The following ARB2A variants were observed in gnomAD, a reference collection of about 807,000 sequenced individuals.
The protein encoded by ARB2A is ARB2 cotranscriptional regulator A.
At chr5:94,073,697 T>A in the ARB2A span, among the ~76,000 whole-genome samples, 1 of 152,072 alleles carries the variant, frequency 6.6e-6, no homozygotes, top group African/African-American at 2.4e-5. Flanking sequence ...TTGCCCTCAC[T>A]CCTAAATTGT....
the ARB2A span, among the ~76,000 whole-genome samples, chr5:93,896,273 G>A: frequency 2.0e-5 from 3 of 152,016 alleles, no homozygotes; most frequent in African/African-American, 4.8e-5. Context: ...TCTGAAATCC[G>A]TAATGCTCCA....
At chr5:93,694,389 CAAT>C in the ARB2A span, among the ~76,000 whole-genome samples, 3 of 152,002 alleles carry the variant, frequency 2.0e-5, no homozygotes, top group Non-Finnish European at 4.4e-5. Flanking sequence ...TCCTATACAC[CAAT>C]AATAGACAAA....
the ARB2A span, among the ~76,000 whole-genome samples, chr5:94,029,921 T>C: frequency 6.6e-6 from 1 of 152,168 alleles, no homozygotes; most frequent in African/African-American, 2.4e-5. Context: ...GACTCACAGT[T>C]CCACATGGCG....
chr5:93,925,686 G>C, the ARB2A span, among the ~76,000 whole-genome samples: 1 of 152,130 alleles, frequency 6.6e-6, no homozygotes, highest in Admixed American at 6.5e-5. Flanking sequence ...ACCATGGAAA[G>C]CAAAAACAGG....
chr5:93,809,341 C>T, the ARB2A span, among the ~76,000 whole-genome samples: 4 of 151,906 alleles, frequency 2.6e-5, no homozygotes, highest in Non-Finnish European at 5.9e-5. Flanking sequence ...ATGCAGTTTA[C>T]CCATGTAACA....
chr5:93,811,907 T>C, the ARB2A span, among the ~76,000 whole-genome samples: 3 of 152,114 alleles, frequency 2.0e-5, no homozygotes, highest in African/African-American at 7.2e-5. Context: ...CTATGAATTT[T>C]TTAGAACTGT....
chr5:93,865,677 T>A, the ARB2A span: 36 of 985,366 alleles, frequency 3.7e-5, no homozygotes, highest in Non-Finnish European at 4.3e-5. Flanking sequence ...CATCTAAAGA[T>A]CTACCTCTTC....
chr5:93,776,247 C>A, the ARB2A span: 1 of 1,604,952 alleles, frequency 6.2e-7, no homozygotes, highest in African/African-American at 1.3e-5. Flanking sequence ...AACAGTTCTG[C>A]AATGTAATAG....
chr5:93,844,176 G>GCTCA, the ARB2A span, among the ~76,000 whole-genome samples: 1 of 151,292 alleles, frequency 6.6e-6, no homozygotes. Context: ...CAGGCACATA[G>GCTCA]CTCACGCCTG....
the ARB2A span, among the ~76,000 whole-genome samples, chr5:93,831,729 G>A: frequency 6.6e-6 from 1 of 152,164 alleles, no homozygotes; most frequent in African/African-American, 2.4e-5. Context: ...ATGACTAAAG[G>A]GAGCTAAGAA....
the ARB2A span, among the ~76,000 whole-genome samples, chr5:93,963,314 G>A: frequency 1.3e-5 from 2 of 151,870 alleles, no homozygotes; most frequent in African/African-American, 4.8e-5. Flanking sequence ...GTCTGTAAAG[G>A]AAGAAAAATT....
chr5:94,018,583 C>G, the ARB2A span, among the ~76,000 whole-genome samples: 6 of 152,092 alleles, frequency 3.9e-5, no homozygotes, highest in African/African-American at 9.7e-5. Context: ...TTCTTTCTAT[C>G]CATGAGCATG....
chr5:93,964,639 A>C, the ARB2A span: 1 of 639,882 alleles, frequency 1.6e-6, no homozygotes, highest in Non-Finnish European at 2.7e-6. Flanking sequence ...TTCATCTTGG[A>C]ATGCTCTGAT....
the ARB2A span, chr5:93,683,181 C>A: frequency 2.4e-6 from 3 of 1,246,538 alleles, no homozygotes; most frequent in South Asian, 1.2e-5. Flanking sequence ...TCATCAAAAT[C>A]ATCATCATCA....
At chr5:93,748,119 T>A in the ARB2A span, among the ~76,000 whole-genome samples, 2 of 152,172 alleles carry the variant, frequency 1.3e-5, no homozygotes, top group Non-Finnish European at 2.9e-5. Context: ...GACAGACATG[T>A]AGATGAAACA....
chr5:93,715,211 G>A, the ARB2A span, among the ~76,000 whole-genome samples: 1 of 152,238 alleles, frequency 6.6e-6, no homozygotes, highest in East Asian at 1.9e-4. Flanking sequence ...AAGTACAAAC[G>A]TGAGGACAGC....
At chr5:93,860,085 G>A in the ARB2A span, among the ~76,000 whole-genome samples, 3 of 152,120 alleles carry the variant, frequency 2.0e-5, no homozygotes, top group African/African-American at 7.2e-5. Context: ...ACGAGGTCAG[G>A]AGTTTGAGCC....
the ARB2A span, among the ~76,000 whole-genome samples, chr5:93,873,033 C>T: frequency 6.6e-6 from 1 of 152,152 alleles, no homozygotes; most frequent in Non-Finnish European, 1.5e-5. Flanking sequence ...CAATCTCATG[C>T]TACTCAACAT....
the ARB2A span, among the ~76,000 whole-genome samples, chr5:94,002,268 C>T: frequency 1.3e-5 from 2 of 152,010 alleles, no homozygotes; most frequent in South Asian, 2.1e-4. Context: ...CTCCTTTTCT[C>T]CTCCCCCTCC....
Sources: allele counts gnomAD v4.1 joint callset (sites outside exome capture counted in the v4.1 genomes callset), GRCh38; gene constraint gnomAD v4.1.1; transcripts MANE v1.5; gene names NCBI Gene and HGNC (gene_info 2026-07-23, HGNC 2026-07-21).